The following GPC5 variants were observed in gnomAD, a reference collection of about 807,000 sequenced individuals.
The protein encoded by GPC5 is glypican 5.
Under a neutral mutation model 53.9 loss-of-function variants are expected in GPC5, and 47 were observed. That is an observed-to-expected ratio of 0.87 (90% CI 0.69 to 1.11). The LOEUF (loss-of-function observed/expected upper bound fraction) is 1.11. GPC5 is among the 50% of genes most tolerant of loss of function. GPC5 has a pLI of 0.00. For missense variants in GPC5, 748 were observed against 713.1 expected (o/e 1.05, Z -0.56); for synonymous variants, 286 against 263.3 (o/e 1.09, Z -0.84).
rs567909452 is a variant in GPC5, at chr13:91,545,487, A to T, written c.325+96565A>T. ...TTCAAGTTTTTGTAGGAGGAATTAA[A>T]TTTATTTACTCTGATTTTCATAAAT... is the stretch of plus-strand genomic sequence containing the variant. On this transcript the variant is annotated intron_variant, in intron 2 of 7. Transcript: ENST00000377067. Among the ~76,000 whole-genome samples, 4 of 151,994 alleles carry T rather than the reference A, an allele frequency of 2.6e-5. No homozygotes were observed. In the South Asian group the frequency reaches 6.3e-4, roughly 24 times the overall value.
intron 7 of GPC5, among the ~76,000 whole-genome samples, chr13:92,489,875 A>AG (rs1879696061): frequency 1.0e-5 from 1 of 95,248 alleles, no homozygotes; most frequent in Non-Finnish European, 2.4e-5. Context: ...TATTGCAAAC[A>AG]GAAAAAAAAA....
chr13:91,855,139 A>T (rs1036802486), intron 5 of GPC5, among the ~76,000 whole-genome samples: 2 of 151,782 alleles, frequency 1.3e-5, no homozygotes, highest in Non-Finnish European at 3.0e-5. Context: ...CAGAAAATGC[A>T]ACTGTAAAAT....
chr13:91,500,757 A>G (rs1361114553), intron 2 of GPC5, among the ~76,000 whole-genome samples: 1 of 152,176 alleles, frequency 6.6e-6, no homozygotes, highest in African/African-American at 2.4e-5. Context: ...ACAGACTGAT[A>G]TGGTTTGGCT....
chr13:91,469,775 C>T (rs1882492839), intron 2 of GPC5, among the ~76,000 whole-genome samples: 1 of 152,102 alleles, frequency 6.6e-6, no homozygotes, highest in Non-Finnish European at 1.5e-5. Flanking sequence ...GATGGTGGCT[C>T]ATGCCTGTAA....
intron 7 of GPC5, among the ~76,000 whole-genome samples, chr13:92,738,653 C>T (rs939809016): frequency 7.2e-5 from 11 of 152,152 alleles, no homozygotes; most frequent in African/African-American, 2.6e-4. Flanking sequence ...CTTGATATAG[C>T]CGTAACTTAA....
chr13:91,693,021 C>G (rs560759), intron 2 of GPC5, among the ~76,000 whole-genome samples, 166 bp from the exon 3 acceptor site: 29,722 of 152,100 alleles, frequency 0.2, 3,522 homozygotes, highest in African/African-American at 0.32. Context: ...AATGGTCATT[C>G]TTGTCCGGTC....
chr13:91,644,471 A>C (rs1272287694), intron 2 of GPC5, among the ~76,000 whole-genome samples: 1 of 152,164 alleles, frequency 6.6e-6, no homozygotes, highest in African/African-American at 2.4e-5. Context: ...ATTACTTGGC[A>C]CCAGGTATTT....
rs546834059 is a variant in GPC5 at position 92,009,176 on chromosome 13, TTTC to T, written c.1401+101128_1401+101130del. Among the ~76,000 whole-genome samples, 42 of 152,242 alleles carry T rather than the reference TTTC, an allele frequency of 2.8e-4. No individual in the cohort carries two copies. The South Asian group carries it at 6.8e-3, about 25-fold the overall frequency. ...TTTCTCTTGGTTAAGAGTTCACTTT[TTTC>T]TTCTTCTTGGCATATACAATAATTT... is the stretch of plus-strand genomic sequence containing the variant. On this transcript the variant is annotated intron_variant, in intron 6 of 7. Coordinates refer to ENST00000377067, the MANE Select transcript of GPC5 (RefSeq NM_004466.6).
At chr13:91,974,536 A>T (rs865893691) in intron 6 of GPC5, among the ~76,000 whole-genome samples, 2,187 of 152,142 alleles carry the variant, frequency 0.014, 49 homozygotes, top group African/African-American at 0.05. Context: ...CAAAGAGAAT[A>T]AAATACCTAG....
At chr13:92,384,191 G>A (rs2043773409) in intron 7 of GPC5, among the ~76,000 whole-genome samples, 1 of 150,976 alleles carries the variant, frequency 6.6e-6, no homozygotes. Flanking sequence ...GAACTAATTG[G>A]TAACTTGGCC....
intron 7 of GPC5, among the ~76,000 whole-genome samples, chr13:92,202,668 A>G (rs896433151): frequency 6.6e-6 from 1 of 152,200 alleles, no homozygotes. Flanking sequence ...GTAGTGCAAC[A>G]TTTTAAAAAG....
At chr13:91,640,872 A>G (rs1014590873) in intron 2 of GPC5, among the ~76,000 whole-genome samples, 6 of 152,154 alleles carry the variant, frequency 3.9e-5, no homozygotes, top group African/African-American at 9.7e-5. Context: ...GACATGAAAT[A>G]AACCCAAATA....
intron 7 of GPC5, among the ~76,000 whole-genome samples, chr13:92,161,635 A>G (rs148017706): frequency 2.1e-3 from 325 of 152,162 alleles, no homozygotes; most frequent in African/African-American, 7.2e-3. Flanking sequence ...ACTCTTTCAC[A>G]TTTTCACTTA....
At chr13:91,719,983 C>T (rs2036429565) in intron 3 of GPC5, among the ~76,000 whole-genome samples, 1 of 152,078 alleles carries the variant, frequency 6.6e-6, no homozygotes, top group East Asian at 1.9e-4. Context: ...TGCATGTCTC[C>T]CTGACACTTC....
At chr13:91,544,077 T>C (rs551655679) in intron 2 of GPC5, among the ~76,000 whole-genome samples, 2 of 152,220 alleles carry the variant, frequency 1.3e-5, no homozygotes, top group African/African-American at 2.4e-5. Context: ...ACCTGAAATA[T>C]CAGTCTGATG....
intron 7 of GPC5, among the ~76,000 whole-genome samples, chr13:92,181,875 A>T (rs1325466628): frequency 6.6e-6 from 1 of 152,234 alleles, no homozygotes; most frequent in Non-Finnish European, 1.5e-5. Context: ...ACATTATGCA[A>T]TTGTAATAAG....
At chr13:91,795,373 C>T (rs2038030650) in intron 5 of GPC5, among the ~76,000 whole-genome samples, 2 of 152,210 alleles carry the variant, frequency 1.3e-5, no homozygotes, top group African/African-American at 2.4e-5. Context: ...CCTGACTTAC[C>T]TCATCCTAAC....
intron 7 of GPC5, among the ~76,000 whole-genome samples, chr13:92,716,415 G>C (rs973000804): frequency 1.3e-5 from 2 of 151,758 alleles, no homozygotes; most frequent in African/African-American, 2.4e-5. Context: ...TTCAGCTCCA[G>C]GTTGACCACA....
At chr13:91,458,338 T>G (rs1252299817) in intron 2 of GPC5, among the ~76,000 whole-genome samples, 1 of 152,062 alleles carries the variant, frequency 6.6e-6, no homozygotes, top group East Asian at 1.9e-4. Context: ...TTATGATAGG[T>G]GTGATTTGAT....
Sources: allele counts gnomAD v4.1 joint callset (sites outside exome capture counted in the v4.1 genomes callset), GRCh38; gene constraint gnomAD v4.1.1; transcripts MANE v1.5; gene names NCBI Gene and HGNC (gene_info 2026-07-23, HGNC 2026-07-21).